Variants in IFNL1 observed in about 807,000 individuals in gnomAD.
The protein encoded by IFNL1 is interferon lambda-1.
Under a neutral mutation model 17.1 loss-of-function variants are expected in IFNL1, and 16 were observed. The observed-to-expected ratio is 0.93, with a 90% CI of 0.63 to 1.42. IFNL1 has a LOEUF of 1.42. Among genes scored for constraint, IFNL1 ranks in the 40% most tolerant of loss-of-function variants. The probability of loss-of-function intolerance (pLI) is 0.00; values close to 1 mark genes in which losing one functional copy is unlikely to be tolerated. For synonymous variants in IFNL1, 104 were observed against 111.4 expected (o/e 0.93, Z 0.42); for missense variants, 262 against 249.4 (o/e 1.05, Z -0.34).
chr19:39,298,610 A>G lies in IFNL1; in HGVS notation c.*94A>G. 1 of 1,430,860 alleles carries G rather than the reference A, an allele frequency of 7.0e-7. No individual in the cohort carries two copies. Among genetic ancestry groups the G allele is most frequent in the Non-Finnish European group, 9.7e-7 (1 of 1,033,874 alleles). The allele number at this position is 1,430,860 out of a possible 1,614,324, so 88.6% of individuals were successfully genotyped here. A position where few individuals can be genotyped will look rare whatever the true frequency, so the allele number is the denominator to read the frequency against. On this transcript the variant is annotated 3_prime_UTR_variant, in exon 5 of 5. Coordinates refer to ENST00000333625, the MANE Select transcript of IFNL1 (RefSeq NM_172140.2). The stretch of plus-strand genomic sequence containing the variant: ...ATGAAGCTGCAGCCCTGACTGAGAC[A>G]TAGGGCTGAGTTTATTGTTTTACTT...
At chr19:39,297,508 G>A (rs1422873591) in intron 2 of IFNL1, among the ~76,000 whole-genome samples, 1 of 151,738 alleles carries the variant, frequency 6.6e-6, no homozygotes, top group South Asian at 2.1e-4. Flanking sequence ...TAGCAGAGAC[G>A]GGGTTTCACT....
rs536427617 is a variant in IFNL1 at position 39,296,722 on chromosome 19, C to A, written c.172-83C>A. On this transcript the variant is annotated intron_variant, in intron 1 of 4. Coordinates refer to ENST00000333625, the MANE Select transcript of IFNL1 (RefSeq NM_172140.2). ...CTTTCTGCACTGGGTTAAACCCATG[C>A]TGTCAGGCCAACTTCATCCTTGCTG... The A allele has an allele frequency of 7.7e-5, 115 of 1,497,016 alleles. No individual in the cohort carries two copies. The South Asian group carries it at 1.2e-3, about 16-fold the overall frequency. The allele number at this position is 1,497,016 out of a possible 1,614,324, so 92.7% of individuals were successfully genotyped here.
At chr19:39,296,755 C>G (rs1330884105) in intron 1 of IFNL1, 50 bp from the exon 2 acceptor site, 2 of 1,553,094 alleles carry the variant, frequency 1.3e-6, no homozygotes, top group Non-Finnish European at 1.8e-6. Context: ...CTGCTATGAG[C>G]TAGCTTCCAG....
At position 39,298,038 on chromosome 19, in the gene IFNL1, A is replaced by C. The variant is rs1176575983; in HGVS notation, c.324A>C (p.Pro108=). 8.1e-6 allele frequency: 13 copies of C among 1,614,032 alleles called. No homozygotes were observed. Among genetic ancestry groups the C allele is most frequent in the Non-Finnish European group, 1.0e-5 (12 of 1,180,036 alleles). Residue 108 remains proline, a synonymous_variant, in exon 3 of 5, where the codon CCA becomes CCC. Coordinates refer to ENST00000333625, the MANE Select transcript of IFNL1 (RefSeq NM_172140.2). Reference sequence around the variant, plus strand: ...AGGTCCTGGAGGCCGCTGCTGGCCCAGCCCTGGAGGACGTCCTAGACCAGC... The same window carrying C: ...AGGTCCTGGAGGCCGCTGCTGGCCCCGCCCTGGAGGACGTCCTAGACCAGC... ...TLKVLEAAAG[P]ALEDVLDQPL...
chr19:39,298,346 C>A (rs369279555), intron 4 of IFNL1, 45 bp from the exon 5 acceptor site: 104 of 1,613,868 alleles, frequency 6.4e-5, no homozygotes, highest in Non-Finnish European at 8.6e-5. Flanking sequence ...CCAATAGGAG[C>A]CCAGACCCTG....
chr19:39,298,134 G>C (rs758053661), intron 3 of IFNL1, 27 bp downstream of exon 3: 1 of 1,612,722 alleles, frequency 6.2e-7, no homozygotes, highest in Non-Finnish European at 8.5e-7. Flanking sequence ...CGGGCACCCA[G>C]GTCTGTGGGC....
chr19:39,296,892 A>G lies in IFNL1; in HGVS notation c.249+10A>G. ...CCTGAGGCTTCTCCAGGTGAGCTGA[A>G]AGTCAGGCCCCCTTCACCCTTCCCT... On this transcript the variant is annotated intron_variant, in intron 2 of 4. Transcript: ENST00000333625. 6.2e-7 allele frequency: 1 copy of G among 1,609,696 alleles called. No individual in the cohort carries two copies. The highest frequency in any genetic ancestry group is 1.3e-5 in the African/African-American group (1 of 74,886).
chr19:39,298,489 AACGTC>A lies in IFNL1; in HGVS notation c.578_582del (p.Thr193AsnfsTer4). 6.2e-7 allele frequency: 1 copy of A among 1,614,096 alleles called. No homozygotes were observed. The highest frequency in any genetic ancestry group is 8.5e-7 in the Non-Finnish European group (1 of 1,180,012). On this transcript the variant is annotated frameshift_variant, in exon 5 of 5. Transcript: ENST00000333625. LOFTEE classifies it low-confidence loss of function (END_TRUNC). The stretch of plus-strand genomic sequence containing the variant: ...TGGCCGATGGGAACCTGTGTCTGAG[AACGTC>A]AACCCACCCTGAGTCCACCTGACAC...
In IFNL1 at chr19:39,298,216, C is replaced by A; in HGVS notation, c.397C>A (p.Gln133Lys). The A allele has an allele frequency of 6.2e-7, 1 of 1,614,028 alleles. No homozygotes were observed. The highest frequency in any genetic ancestry group is 8.5e-7 in the Non-Finnish European group (1 of 1,179,980). The change falls in exon 4 of 5, where the codon CAG becomes AAG. Residue 133 changes from glutamine to lysine, a missense_variant. Gln to Lys is a moderately conservative substitution (Grantham distance 53). Coordinates refer to ENST00000333625, the MANE Select transcript of IFNL1 (RefSeq NM_172140.2). ...CACCGCCCTCTTCTGCCCACAGATCCAGCCTCAGCCCACAGCAGGGCCCAG... is the reference window on the plus strand; with the variant it reads ...CACCGCCCTCTTCTGCCCACAGATCAAGCCTCAGCCCACAGCAGGGCCCAG... ...HILSQLQACI[Q>K]PQPTAGPRPR... is the part of the protein sequence containing the mutation.
At position 39,298,497 on chromosome 19, in the gene IFNL1, C is replaced by T. The variant is rs759067456; in HGVS notation, c.584C>T (p.Thr195Ile). 5 of 1,614,200 alleles carry T rather than the reference C, an allele frequency of 3.1e-6. No individual in the cohort carries two copies. The highest frequency in any genetic ancestry group is 4.2e-6 in the Non-Finnish European group (5 of 1,180,036). ...GGGAACCTGTGTCTGAGAACGTCAA[C>T]CCACCCTGAGTCCACCTGACACCCC... is the stretch of plus-strand genomic sequence containing the variant. Reference protein sequence around the residue: ...ADGNLCLRTSTHPEST With the variant: ...ADGNLCLRTSIHPEST Residue 195 changes from threonine to isoleucine, a missense_variant, in exon 5 of 5, where the codon ACC (threonine) becomes ATC (isoleucine). By Grantham distance (89) the Thr-to-Ile change is moderately conservative (BLOSUM62 -1). Transcript: ENST00000333625.
At position 39,298,508 on chromosome 19, in the gene IFNL1, T is replaced by C; in HGVS notation, c.595T>C (p.Ser199Pro). The C allele has an allele frequency of 6.2e-7, 1 of 1,614,160 alleles. No homozygotes were observed. ...TCTGAGAACGTCAACCCACCCTGAGTCCACCTGACACCCCACACCTTATTT... is the reference window on the plus strand; with the variant it reads ...TCTGAGAACGTCAACCCACCCTGAGCCCACCTGACACCCCACACCTTATTT... ...LCLRTSTHPEST is the reference protein window; with the variant it reads ...LCLRTSTHPEPT The change falls in exon 5 of 5, where the codon TCC (serine) becomes CCC (proline). Residue 199 changes from serine (S) to proline (P), a missense_variant. Transcript: ENST00000333625.
intron 2 of IFNL1, 103 bp from the exon 3 acceptor site, chr19:39,297,861 C>T: frequency 7.0e-7 from 1 of 1,421,760 alleles, no homozygotes; most frequent in East Asian, 2.3e-5. Flanking sequence ...GTCCCCACCA[C>T]ATGCACTGTG....
rs778280678 is a variant in IFNL1, at chr19:39,296,441, T to C, written c.20T>C (p.Val7Ala). 7 of 1,611,444 alleles carry C rather than the reference T, an allele frequency of 4.3e-6. No homozygotes were observed. Among genetic ancestry groups the C allele is most frequent in the African/African-American group, 1.3e-5 (1 of 74,922 alleles). ...TTAGCCATGGCTGCAGCTTGGACCG[T>C]GGTGCTGGTGACTTTGGTGCTAGGC... MAAAWTVVLVTLVLGLA... is the reference protein window; with the variant it reads MAAAWTAVLVTLVLGLA... Residue 7 changes from valine to alanine, a missense_variant, in exon 1 of 5, where the codon GTG (valine) becomes GCG (alanine). Coordinates refer to ENST00000333625, the MANE Select transcript of IFNL1 (RefSeq NM_172140.2).
chr19:39,296,472 C>G lies in IFNL1; in HGVS notation c.51C>G (p.Ala17=). Reference sequence around the variant, plus strand: ...TGGTGACTTTGGTGCTAGGCTTGGCCGTGGCAGGCCCTGTCCCCACTTCCA... The same window carrying G: ...TGGTGACTTTGGTGCTAGGCTTGGCGGTGGCAGGCCCTGTCCCCACTTCCA... ...VVLVTLVLGL[A]VAGPVPTSKP... The change falls in exon 1 of 5, where the codon GCC becomes GCG. Residue 17 remains alanine, a synonymous_variant. Transcript: ENST00000333625. 1 of 1,612,560 alleles carries G rather than the reference C, an allele frequency of 6.2e-7. No individual in the cohort carries two copies. Among genetic ancestry groups the G allele is most frequent in the Non-Finnish European group, 8.5e-7 (1 of 1,179,932 alleles).
At chr19:39,297,476 G>A (rs2075103216) in intron 2 of IFNL1, among the ~76,000 whole-genome samples, 1 of 152,006 alleles carries the variant, frequency 6.6e-6, no homozygotes, top group African/African-American at 2.4e-5. Flanking sequence ...GTGCCATGAT[G>A]CCCAGCTAAT....
intron 2 of IFNL1, 132 bp from the exon 3 acceptor site, chr19:39,297,832 C>A: frequency 1.8e-6 from 2 of 1,115,562 alleles, no homozygotes; most frequent in East Asian, 2.4e-5. Context: ...CTGTCTCCTT[C>A]TCCCCAGACC....
intron 1 of IFNL1, 74 bp from the exon 2 acceptor site, chr19:39,296,731 C>A: frequency 6.6e-7 from 1 of 1,508,358 alleles, no homozygotes. Flanking sequence ...GCTGTCAGGC[C>A]AACTTCATCC....
Position 39,298,604 on chromosome 19 carries a change from T to A in IFNL1, c.*88T>A, listed in dbSNP as rs1035144091. 5.3e-5 allele frequency: 78 copies of A among 1,484,814 alleles called. No homozygotes were observed. In the Admixed American group the frequency reaches 9.4e-4, roughly 18 times the overall value. The allele number at this position is 1,484,814 out of a possible 1,614,324, so 92.0% of individuals were successfully genotyped here. A position where few individuals can be genotyped will look rare whatever the true frequency, so the allele number is the denominator to read the frequency against. ...TTATTTATGAAGCTGCAGCCCTGAC[T>A]GAGACATAGGGCTGAGTTTATTGTT... On this transcript the variant is annotated 3_prime_UTR_variant, in exon 5 of 5. Coordinates refer to ENST00000333625, the MANE Select transcript of IFNL1 (RefSeq NM_172140.2).
chr19:39,297,610 A>T (rs142494795), intron 2 of IFNL1, among the ~76,000 whole-genome samples: 1 of 151,498 alleles, frequency 6.6e-6, no homozygotes, highest in Non-Finnish European at 1.5e-5. Context: ...GTGAGCCACC[A>T]CACCCAGCCC....
Sources: allele counts gnomAD v4.1 joint callset (sites outside exome capture counted in the v4.1 genomes callset), GRCh38; gene constraint gnomAD v4.1.1; transcripts MANE v1.5; gene names NCBI Gene and HGNC (gene_info 2026-07-23, HGNC 2026-07-21).